AFF3: variants seen among roughly 807,000 people sequenced by gnomAD.
The protein encoded by AFF3 is ALF transcription elongation factor 3.
A neutral mutation model predicts 129.7 loss-of-function variants in AFF3; 32 were observed. That is an observed-to-expected ratio of 0.25 (90% CI 0.19 to 0.33). AFF3 has a LOEUF of 0.33. AFF3 is among the 10% of genes least tolerant of loss of function. The pLI is 1.00. For synonymous variants in AFF3, 644 were observed against 635.4 expected (o/e 1.01, Z -0.20); for missense variants, 1,373 against 1,592.0 (o/e 0.86, Z 2.34).
intron 12 of AFF3, among the ~76,000 whole-genome samples, chr2:99,671,490 T>C (rs1687139345): frequency 6.6e-6 from 1 of 152,216 alleles, no homozygotes; most frequent in South Asian, 2.1e-4. Context: ...TGTGACCTCA[T>C]AGCTATGCTC....
At chr2:99,666,011 G>C (rs1483757114) in intron 12 of AFF3, among the ~76,000 whole-genome samples, 1 of 152,192 alleles carries the variant, frequency 6.6e-6, no homozygotes, top group Non-Finnish European at 1.5e-5. Context: ...GAGATCAAAA[G>C]AACAAGTCTC....
intron 7 of AFF3, among the ~76,000 whole-genome samples, chr2:99,920,521 A>T (rs1695785811): frequency 6.6e-6 from 1 of 152,054 alleles, no homozygotes; most frequent in South Asian, 2.1e-4. Context: ...TTTATCCTAA[A>T]AACTTTCAGC....
At chr2:99,561,735 G>A (rs945615973) in intron 20 of AFF3, among the ~76,000 whole-genome samples, 1 of 152,128 alleles carries the variant, frequency 6.6e-6, no homozygotes, top group African/African-American at 2.4e-5. Context: ...ATAAGGAGTA[G>A]TTTATTGTAT....
At chr2:99,555,244 A>G (rs1674802524) in intron 22 of AFF3, among the ~76,000 whole-genome samples, 1 of 152,210 alleles carries the variant, frequency 6.6e-6, no homozygotes. Flanking sequence ...TTTTCTTAAA[A>G]GGAAAAAAGA....
intron 22 of AFF3, among the ~76,000 whole-genome samples, chr2:99,555,202 G>C (rs185978726): frequency 1.3e-5 from 2 of 152,212 alleles, no homozygotes; most frequent in African/African-American, 4.8e-5. Context: ...GTTAAATCTT[G>C]AAGCAGCCTT....
At chr2:99,752,118 G>T in intron 9 of AFF3, 103 bp downstream of exon 9, 1 of 1,055,522 alleles carries the variant, frequency 9.5e-7, no homozygotes, top group Non-Finnish European at 1.4e-6. Flanking sequence ...GCCTCTGGCA[G>T]GAATATTTAC....
At chr2:100,030,757 A>G (rs976917286) in intron 4 of AFF3, among the ~76,000 whole-genome samples, 2 of 152,244 alleles carry the variant, frequency 1.3e-5, no homozygotes, top group African/African-American at 4.8e-5. Context: ...CACCCTGTAA[A>G]GCTACATATT....
At position 99,667,660 on chromosome 2, in the gene AFF3, C is replaced by T. The variant is rs376655500; in HGVS notation, c.1143+4878G>A. Among the ~76,000 whole-genome samples, 23 of 152,118 alleles carry T rather than the reference C, an allele frequency of 1.5e-4. No homozygotes were observed. In the East Asian group the frequency reaches 2.5e-3, roughly 17 times the overall value. On this transcript the variant is annotated intron_variant, in intron 12 of 24. Coordinates refer to ENST00000672756, the MANE Select transcript of AFF3 (RefSeq NM_001386135.1). ...CAAATGATGAGTATCACTAATGAAA[C>T]GGGCTGACACTATAGATCTTGCAGT...
At chr2:99,735,562 G>A (rs893768897) in intron 10 of AFF3, among the ~76,000 whole-genome samples, 1 of 151,538 alleles carries the variant, frequency 6.6e-6, no homozygotes, top group Non-Finnish European at 1.5e-5. Flanking sequence ...GTGAGATCTC[G>A]GCTCACAGCA....
intron 18 of AFF3, among the ~76,000 whole-genome samples, chr2:99,575,942 G>T (rs895398753): frequency 2.0e-5 from 3 of 152,146 alleles, no homozygotes; most frequent in Non-Finnish European, 2.9e-5. Context: ...CAGCCACGGT[G>T]GCTCACGCCT....
chr2:99,553,936 A>AAAAAAG (rs1195287888), intron 24 of AFF3, among the ~76,000 whole-genome samples: 10 of 149,766 alleles, frequency 6.7e-5, no homozygotes, highest in African/African-American at 1.7e-4. Flanking sequence ...AAAAAAAAAA[A>AAAAAAG]AAAAAGAAAA....
rs895866195 is a variant in AFF3, at chr2:99,710,029, T to C, written c.1091+17048A>G. On this transcript the variant is annotated intron_variant, in intron 11 of 24. Transcript: ENST00000672756. ...CTGGGGTAAAATCCTGGCTTGGCCATGCTGCCTACCTGGGTGAGCTCTCTC... is the reference window on the plus strand; with the variant it reads ...CTGGGGTAAAATCCTGGCTTGGCCACGCTGCCTACCTGGGTGAGCTCTCTC... Among the ~76,000 whole-genome samples the C allele has an allele frequency of 2.6e-5, 4 of 152,340 alleles. No homozygotes were observed. In the South Asian group the frequency reaches 8.3e-4, roughly 32 times the overall value.
intron 8 of AFF3, among the ~76,000 whole-genome samples, chr2:99,758,149 C>T (rs1682274050): frequency 6.6e-6 from 1 of 152,200 alleles, no homozygotes; most frequent in East Asian, 1.9e-4. Flanking sequence ...AACTGCCATC[C>T]TAATCACACC....
intron 22 of AFF3, among the ~76,000 whole-genome samples, chr2:99,557,719 G>A (rs1675076237): frequency 6.6e-6 from 1 of 152,152 alleles, no homozygotes; most frequent in Non-Finnish European, 1.5e-5. Context: ...GGCTGAGAAA[G>A]TGATGTCCAT....
At chr2:100,091,059 T>G (rs1689815044) in intron 4 of AFF3, among the ~76,000 whole-genome samples, 1 of 152,096 alleles carries the variant, frequency 6.6e-6, no homozygotes, top group Non-Finnish European at 1.5e-5. Flanking sequence ...CATTAAGAGA[T>G]ACATATTACA....
At chr2:99,722,653 C>T (rs1679010490) in intron 11 of AFF3, among the ~76,000 whole-genome samples, 1 of 152,200 alleles carries the variant, frequency 6.6e-6, no homozygotes, top group African/African-American at 2.4e-5. Context: ...CTCTGCTCAG[C>T]ATTTTTGGCT....
chr2:99,552,992 G>C (rs1442171730), intron 24 of AFF3, among the ~76,000 whole-genome samples: 1 of 152,116 alleles, frequency 6.6e-6, no homozygotes, highest in Non-Finnish European at 1.5e-5. Context: ...GAGTGCAATG[G>C]TGCGATCTTG....
In AFF3 at chr2:100,056,063, T is replaced by TCACA. The variant is rs369771394; in HGVS notation, c.54-47135_54-47132dup. ...AAAAAAAAAAATCGCTGTCTCTCTC[T>TCACA]CACACACACACACACACACACACAC... On this transcript the variant is annotated intron_variant, in intron 4 of 24. Transcript: ENST00000672756. Among the ~76,000 whole-genome samples, 603 of 120,526 alleles carry TCACA rather than the reference T, an allele frequency of 5.0e-3. 6 individuals are homozygous for TCACA. Among genetic ancestry groups the TCACA allele is most frequent in the African/African-American group, 0.011 (336 of 30,544 alleles). The allele number at this position is 120,526 out of a possible 152,430, so 79.1% of individuals were successfully genotyped here. A position where few individuals can be genotyped will look rare whatever the true frequency, so the allele number is the denominator to read the frequency against.
intron 4 of AFF3, among the ~76,000 whole-genome samples, chr2:100,048,077 A>G (rs1685980925): frequency 1.3e-5 from 2 of 152,244 alleles, no homozygotes; most frequent in Admixed American, 1.3e-4. Flanking sequence ...GCACCAGTAA[A>G]TATCACGTCT....
Sources: gnomAD v4.1 joint callset for allele counts (sites outside exome capture counted in the v4.1 genomes callset) on GRCh38, gnomAD v4.1.1 for gene constraint, MANE v1.5 for transcripts, NCBI Gene and HGNC (gene_info 2026-07-23, HGNC 2026-07-21) for gene names.